The following NEBL variants were observed in gnomAD, a reference collection of about 807,000 sequenced individuals.
NEBL encodes the protein LIM and SH3 protein 2.
NEBL carries 122 observed loss-of-function variants against 140.2 expected under a neutral mutation model. The observed-to-expected ratio is 0.87, with a 90% CI of 0.75 to 1.01. The LOEUF is 1.01. NEBL is among the 50% of genes least tolerant of loss of function. The pLI is 0.00. For missense variants in NEBL, 1,365 were observed against 1,231.3 expected, an observed-to-expected ratio of 1.11 and a Z score of -1.62; for synonymous variants, 436 against 398.9, an observed-to-expected ratio of 1.09 and a Z score of -1.11.
chr10:21,228,153 T>G (rs1842197717), intron 3 of NEBL, among the ~76,000 whole-genome samples: 1 of 151,952 alleles, frequency 6.6e-6, no homozygotes, highest in African/African-American at 2.4e-5. Context: ...TTTCTTTGTT[T>G]GTTTGCTTAT....
chr10:20,960,996 G>A (rs1189656837), intron 4 of NEBL, among the ~76,000 whole-genome samples: 2 of 152,036 alleles, frequency 1.3e-5, no homozygotes, highest in African/African-American at 2.4e-5. Context: ...ATTAATTTTT[G>A]TGAAGAAAAA....
intron 12 of NEBL, 80 bp downstream of exon 12, chr10:20,845,178 G>A: frequency 1.1e-6 from 1 of 870,046 alleles, no homozygotes; most frequent in Non-Finnish European, 1.9e-6. Context: ...CACTGAATTA[G>A]TAGAGAATTA....
chr10:21,014,056 C>A (rs950462012), intron 3 of NEBL, among the ~76,000 whole-genome samples: 1 of 152,112 alleles, frequency 6.6e-6, no homozygotes, highest in African/African-American at 2.4e-5. Context: ...TGCCTTAAAA[C>A]ATACTTAAAA....
At chr10:21,272,876 G>T (rs1425395369) in intron 1 of NEBL, among the ~76,000 whole-genome samples, 1 of 152,070 alleles carries the variant, frequency 6.6e-6, no homozygotes, top group Non-Finnish European at 1.5e-5. Context: ...GTCCATCATG[G>T]TCATTGTGCC....
chr10:21,185,291 C>T (rs188543563), intron 3 of NEBL, among the ~76,000 whole-genome samples: 4 of 152,058 alleles, frequency 2.6e-5, no homozygotes, highest in Non-Finnish European at 4.4e-5. Flanking sequence ...AAAAGGTCAC[C>T]GTTCCCAGAG....
chr10:21,188,736 C>T (rs10828204), intron 3 of NEBL, among the ~76,000 whole-genome samples: 22,311 of 151,562 alleles, frequency 0.15, 1,706 homozygotes, highest in African/African-American at 0.17. Context: ...GGGTACAGGC[C>T]CCCACACCAC....
At chr10:21,112,025 C>G (rs1010952192) in intron 2 of NEBL, among the ~76,000 whole-genome samples, 11 of 152,200 alleles carry the variant, frequency 7.2e-5, no homozygotes, top group African/African-American at 2.7e-4. Context: ...AAATGCAAAT[C>G]AAAACCACAA....
chr10:21,276,265 C>G (rs1334844779), intron 1 of NEBL, among the ~76,000 whole-genome samples: 3 of 152,168 alleles, frequency 2.0e-5, no homozygotes, highest in African/African-American at 7.2e-5. Flanking sequence ...AGCCACCACG[C>G]CCAGCCCAAC....
chr10:20,980,313 A>G (rs1836982678), intron 3 of NEBL, among the ~76,000 whole-genome samples: 1 of 144,710 alleles, frequency 6.9e-6, no homozygotes, highest in South Asian at 2.1e-4. Flanking sequence ...GAAACATAAA[A>G]AAGTTTTTTT....
chr10:20,893,706 T>G (rs1847218707), intron 2 of NEBL, among the ~76,000 whole-genome samples: 1 of 152,182 alleles, frequency 6.6e-6, no homozygotes, highest in Non-Finnish European at 1.5e-5. Context: ...TCTACAGGTC[T>G]GCTGACTCCA....
intron 4 of NEBL, among the ~76,000 whole-genome samples, chr10:20,908,038 T>G (rs1271708513): frequency 1.3e-5 from 2 of 152,182 alleles, no homozygotes; most frequent in Non-Finnish European, 2.9e-5. Flanking sequence ...TCGAAGTTCT[T>G]GAACTCTCCA....
chr10:20,969,411 T>C (rs1470871150), intron 3 of NEBL, among the ~76,000 whole-genome samples: 1 of 151,880 alleles, frequency 6.6e-6, no homozygotes, highest in Non-Finnish European at 1.5e-5. Flanking sequence ...TTTACTGTTT[T>C]GTCAGTTTTC....
At chr10:21,117,679 A>T (rs927692630) in intron 2 of NEBL, among the ~76,000 whole-genome samples, 1 of 152,132 alleles carries the variant, frequency 6.6e-6, no homozygotes, top group Non-Finnish European at 1.5e-5. Context: ...TTGAGAGAGT[A>T]ATTTCAATCC....
At chr10:21,130,731 C>T (rs1054425636) in intron 2 of NEBL, among the ~76,000 whole-genome samples, 6 of 151,700 alleles carry the variant, frequency 4.0e-5, no homozygotes, top group African/African-American at 1.2e-4. Context: ...TGGGATGCCA[C>T]GAAATCAGTG....
chr10:21,173,981 G>A lies in NEBL; in HGVS notation c.-148C>T. 7.5e-7 allele frequency: 1 copy of A among 1,336,532 alleles called. No homozygotes were observed. The allele number at this position is 1,336,532 out of a possible 1,614,324, so 82.8% of individuals were successfully genotyped here. On this transcript the variant is annotated 5_prime_UTR_variant, in exon 1 of 7. Coordinates refer to the NEBL transcript ENST00000417816. The surrounding 1 kb of genome is among the most constrained non-coding windows in gnomAD (Gnocchi z 5.7). Reference sequence around the variant, plus strand: ...GGTAGGGAGTCGGCGCCGGGCCACGGGTGAGTGCACGGGGAGGGCGACGGG... The same window carrying A: ...GGTAGGGAGTCGGCGCCGGGCCACGAGTGAGTGCACGGGGAGGGCGACGGG...
chr10:21,120,393 C>CATATATATATATATATATATATAT (rs1201775144), intron 2 of NEBL, among the ~76,000 whole-genome samples: 6 of 59,532 alleles, frequency 1.0e-4, no homozygotes, highest in Non-Finnish European at 1.5e-4. Context: ...AAAAAAAATA[C>CATATATATATATATATATATATAT]ATATATATAT....
chr10:21,098,606 CTCCCT>C (rs1837314661), intron 2 of NEBL, among the ~76,000 whole-genome samples: 1 of 152,160 alleles, frequency 6.6e-6, no homozygotes, highest in South Asian at 2.1e-4. Context: ...TTAAAAATTC[CTCCCT>C]TCCCAATCAA....
rs768161228 is a variant in NEBL at position 20,785,701 on chromosome 10, G to T, written c.*46C>A. ...TATCTTCTATCTTTTAAAAAGATTAGGTTTGGGATACATTAGAATAAAGCT... is the reference window on the plus strand; with the variant it reads ...TATCTTCTATCTTTTAAAAAGATTATGTTTGGGATACATTAGAATAAAGCT... On this transcript the variant is annotated 3_prime_UTR_variant, in exon 28 of 28. Transcript: ENST00000377122. 1 of 1,587,102 alleles carries T rather than the reference G, an allele frequency of 6.3e-7. No homozygotes were observed. Among genetic ancestry groups the T allele is most frequent in the African/African-American group, 1.3e-5 (1 of 74,262 alleles).
rs549558619 is a variant in NEBL at position 21,227,653 on chromosome 10, T to TTTCTTCTTCTTCTTC, written n.348+20253_348+20267dup. Among the ~76,000 whole-genome samples the TTTCTTCTTCTTCTTC allele has an allele frequency of 2.2e-3, 187 of 83,270 alleles. 10 individuals carry two copies. Among genetic ancestry groups the TTTCTTCTTCTTCTTC allele is most frequent in the Middle Eastern group, 6.6e-3 (1 of 152 alleles). 54.6% of individuals were successfully genotyped at this position (83,270 alleles called of 152,430 possible). ...TAAGGGAATTCAAAAGCACTTGAAG[T>TTTCTTCTTCTTCTTC]TTCTTCTTCTTCTTCTTCTTCTTCT... On this transcript the variant is annotated intron_variant and non_coding_transcript_variant, in intron 3 of 8. Coordinates refer to the NEBL transcript ENST00000675702.
Sources: gnomAD v4.1 joint callset for allele counts (sites outside exome capture counted in the v4.1 genomes callset) on GRCh38, gnomAD v4.1.1 for gene constraint, Gnocchi (gnomAD v3.1) non-coding constraint, MANE v1.5 for transcripts, NCBI Gene and HGNC (gene_info 2026-07-23, HGNC 2026-07-21) for gene names.